The following SLC14A2 variants were observed in gnomAD, a reference collection of about 807,000 sequenced individuals.
SLC14A2 encodes solute carrier family 14 member 2, also known as urea transporter 2.
In SLC14A2, 91 loss-of-function variants were observed where a neutral mutation model predicts 104.6. The ratio of observed to expected loss-of-function variants is 0.87; its 90% CI spans 0.73 to 1.04. The LOEUF is 1.04. Ranked by LOEUF, SLC14A2 falls within the 50% of genes least tolerant of loss-of-function variation. The pLI is 0.00. For synonymous variants in SLC14A2, 476 were observed against 466.4 expected (o/e 1.02, Z -0.27); for missense variants, 1,189 against 1,156.0 (o/e 1.03, Z -0.41).
At chr18:45,427,908 T>A (rs2086458254) in intron 1 of SLC14A2, among the ~76,000 whole-genome samples, 1 of 152,218 alleles carries the variant, frequency 6.6e-6, no homozygotes, top group Non-Finnish European at 1.5e-5. Context: ...TCTCCTCATC[T>A]GTCAGATGGG....
At chr18:45,215,131 G>A (rs182134332) in intron 1 of SLC14A2, among the ~76,000 whole-genome samples, 1 of 152,184 alleles carries the variant, frequency 6.6e-6, no homozygotes, top group Admixed American at 6.5e-5. Flanking sequence ...ACTGAATACA[G>A]TGAGTTTCTA....
chr18:45,377,111 A>G (rs543157341), intron 1 of SLC14A2, among the ~76,000 whole-genome samples: 1 of 152,224 alleles, frequency 6.6e-6, no homozygotes, highest in African/African-American at 2.4e-5. Flanking sequence ...GGTGATGAAA[A>G]CATCTGCAGT....
At chr18:45,609,582 GTT>G (rs2044935918) in intron 2 of SLC14A2, among the ~76,000 whole-genome samples, 1 of 152,162 alleles carries the variant, frequency 6.6e-6, no homozygotes, top group African/African-American at 2.4e-5. Flanking sequence ...AGCCTCCTAA[GTT>G]TGGTTCACCT....
At chr18:45,466,760 A>G (rs1210165096) in intron 1 of SLC14A2, among the ~76,000 whole-genome samples, 1 of 151,770 alleles carries the variant, frequency 6.6e-6, no homozygotes, top group Non-Finnish European at 1.5e-5. Context: ...GTGATTGGAG[A>G]TGACTGAGCA....
At chr18:45,442,935 G>T (rs915532253) in intron 1 of SLC14A2, among the ~76,000 whole-genome samples, 1 of 152,156 alleles carries the variant, frequency 6.6e-6, no homozygotes, top group Non-Finnish European at 1.5e-5. Context: ...CAGGTGCTAG[G>T]TTGTTGAAGC....
intron 1 of SLC14A2, among the ~76,000 whole-genome samples, chr18:45,380,269 G>T (rs567911057): frequency 2.0e-5 from 3 of 152,254 alleles, no homozygotes; most frequent in East Asian, 3.9e-4. Flanking sequence ...TATGGAAATT[G>T]TCAATGCCCA....
intron 2 of SLC14A2, among the ~76,000 whole-genome samples, chr18:45,534,101 C>T (rs192765870): frequency 2.4e-4 from 36 of 152,224 alleles, no homozygotes; most frequent in African/African-American, 7.9e-4. Context: ...ATGGTAAAAT[C>T]GTGATTTTGC....
chr18:45,539,789 C>G (rs950864090), intron 2 of SLC14A2, among the ~76,000 whole-genome samples: 3 of 151,644 alleles, frequency 2.0e-5, no homozygotes, highest in African/African-American at 7.3e-5. Context: ...TAGTCCTCAG[C>G]TTTCATGCAA....
In SLC14A2 at chr18:45,495,256, A is replaced by G. The variant is rs373062660; in HGVS notation, c.-35+11934A>G. 1.5e-4 allele frequency among the ~76,000 whole-genome samples: 23 copies of G among 152,374 alleles called. 2 individuals are homozygous for G. The South Asian group carries it at 4.3e-3, about 29-fold the overall frequency. On this transcript the variant is annotated intron_variant, in intron 2 of 20. Transcript: ENST00000586448. Reference sequence around the variant, plus strand: ...AATAACAACCACAAAAAACTTGGACATGTGGATGGAGGAAGAAAGTTTGTC... The same window carrying G: ...AATAACAACCACAAAAAACTTGGACGTGTGGATGGAGGAAGAAAGTTTGTC...
At chr18:45,182,813 T>C in the SLC14A2 span, among the ~76,000 whole-genome samples, 1 of 152,186 alleles carries the variant, frequency 6.6e-6, no homozygotes, top group Non-Finnish European at 1.5e-5. Flanking sequence ...GCTACATTTG[T>C]ACATAGGAAA....
chr18:45,524,921 G>C (rs185776964), intron 2 of SLC14A2, among the ~76,000 whole-genome samples: 2 of 152,132 alleles, frequency 1.3e-5, no homozygotes. Flanking sequence ...ATTTCTGGTA[G>C]GACTAATTCA....
chr18:45,186,969 T>C, the SLC14A2 span, among the ~76,000 whole-genome samples: 1 of 152,088 alleles, frequency 6.6e-6, no homozygotes, highest in African/African-American at 2.4e-5. Context: ...CGAGATTCCT[T>C]GATATGAATC....
chr18:45,403,596 G>A (rs535804437), intron 1 of SLC14A2, among the ~76,000 whole-genome samples: 1 of 152,228 alleles, frequency 6.6e-6, no homozygotes, highest in African/African-American at 2.4e-5. Flanking sequence ...CACAGATGGA[G>A]CATGGCAACA....
chr18:45,672,579 A>T (rs2046159404), intron 16 of SLC14A2, among the ~76,000 whole-genome samples: 1 of 152,024 alleles, frequency 6.6e-6, no homozygotes, highest in South Asian at 2.1e-4. Flanking sequence ...AACTTTGATC[A>T]GACATATATT....
chr18:45,418,643 C>T (rs1348758727), intron 1 of SLC14A2, among the ~76,000 whole-genome samples: 1 of 152,132 alleles, frequency 6.6e-6, no homozygotes, highest in Non-Finnish European at 1.5e-5. Flanking sequence ...CCTAATATGC[C>T]TGGGCATTTA....
At chr18:45,492,532 C>A (rs2705396) in intron 2 of SLC14A2, among the ~76,000 whole-genome samples, 69,127 of 151,894 alleles carry the variant, frequency 0.46, 15,809 homozygotes, top group South Asian at 0.54. Context: ...ATGGAAGAAA[C>A]TGCCCCCATA....
intron 2 of SLC14A2, among the ~76,000 whole-genome samples, chr18:45,563,339 G>C: frequency 6.6e-6 from 1 of 152,212 alleles, no homozygotes; most frequent in East Asian, 1.9e-4. Context: ...GAACTGGGGG[G>C]AACATAAGGG....
At chr18:45,536,140 G>T (rs1368239295) in intron 2 of SLC14A2, among the ~76,000 whole-genome samples, 2 of 152,192 alleles carry the variant, frequency 1.3e-5, no homozygotes, top group Middle Eastern at 6.3e-3. Flanking sequence ...TTGCCTATGT[G>T]AGAGAAAACA....
At chr18:45,513,472 A>G (rs2043395757) in intron 2 of SLC14A2, among the ~76,000 whole-genome samples, 1 of 152,184 alleles carries the variant, frequency 6.6e-6, no homozygotes, top group South Asian at 2.1e-4. Flanking sequence ...ATGATACTAC[A>G]CACTCCATTG....
Sources: allele counts gnomAD v4.1 joint callset (sites outside exome capture counted in the v4.1 genomes callset), GRCh38; gene constraint gnomAD v4.1.1; transcripts MANE v1.5; gene names NCBI Gene and HGNC (gene_info 2026-07-23, HGNC 2026-07-21).